The following GRIP1 variants were observed in gnomAD, a reference collection of about 807,000 sequenced individuals.
The protein encoded by GRIP1 is glutamate receptor interacting protein 1, also known as glutamate receptor-interacting protein 1.
GRIP1 carries 45 observed loss-of-function variants against 129.9 expected under a neutral mutation model. The ratio of observed to expected loss-of-function variants is 0.35; its 90% confidence interval spans 0.27 to 0.44. GRIP1 has a LOEUF of 0.44. Ranked by LOEUF, GRIP1 falls within the 20% of genes least tolerant of loss-of-function variation. GRIP1 has a pLI of 1.00. For missense variants in GRIP1, 1,196 were observed against 1,396.8 expected (o/e 0.86, Z 2.29); for synonymous variants, 530 against 520.8 (o/e 1.02, Z -0.24).
At chr12:66,970,224 G>T (rs1157924541) in intron 1 of GRIP1, among the ~76,000 whole-genome samples, 1 of 152,158 alleles carries the variant, frequency 6.6e-6, no homozygotes, top group East Asian at 1.9e-4. Context: ...TGGGACTACA[G>T]CCATGCACCA....
intron 2 of GRIP1, among the ~76,000 whole-genome samples, chr12:66,596,225 T>C (rs1316458455): frequency 6.6e-6 from 1 of 152,236 alleles, no homozygotes; most frequent in Admixed American, 6.5e-5. Context: ...AGAACTTACA[T>C]GTTTTTGTGT....
chr12:66,458,895 A>G (rs1168118944), intron 9 of GRIP1, among the ~76,000 whole-genome samples: 1 of 152,174 alleles, frequency 6.6e-6, no homozygotes, highest in African/African-American at 2.4e-5. Flanking sequence ...CTCATCATTC[A>G]GGTCTCACCC....
intron 2 of GRIP1, among the ~76,000 whole-genome samples, chr12:66,586,539 AGAG>A (rs1029508106): frequency 1.3e-5 from 2 of 152,040 alleles, no homozygotes; most frequent in African/African-American, 2.4e-5. Context: ...TGACAAACTG[AGAG>A]CTTCAAAATT....
intron 15 of GRIP1, among the ~76,000 whole-genome samples, chr12:66,420,186 G>C (rs1267295982): frequency 1.3e-5 from 2 of 152,008 alleles, no homozygotes; most frequent in East Asian, 3.8e-4. Flanking sequence ...TAAAAAGAAA[G>C]TTAATGGTCT....
chr12:66,686,819 G>T (rs1353336664), intron 1 of GRIP1, among the ~76,000 whole-genome samples: 1 of 152,220 alleles, frequency 6.6e-6, no homozygotes, highest in African/African-American at 2.4e-5. Context: ...CACTTTGGGA[G>T]GCTGAGGCAG....
At chr12:67,006,264 A>T (rs2042624706) in intron 1 of GRIP1, among the ~76,000 whole-genome samples, 1 of 152,168 alleles carries the variant, frequency 6.6e-6, no homozygotes, top group Admixed American at 6.6e-5. Context: ...CTAGGCACCA[A>T]CATTAAACAA....
At chr12:66,487,495 G>A (rs2059987400) in intron 7 of GRIP1, among the ~76,000 whole-genome samples, 1 of 152,034 alleles carries the variant, frequency 6.6e-6, no homozygotes, top group Non-Finnish European at 1.5e-5. Context: ...CACTAAATAT[G>A]GAAAGGAGAA....
At chr12:66,980,188 C>T (rs118104974) in intron 1 of GRIP1, among the ~76,000 whole-genome samples, 85 of 152,280 alleles carry the variant, frequency 5.6e-4, no homozygotes, top group Admixed American at 4.0e-3. Context: ...CATCTCTCTG[C>T]CTCTGAAAAA....
intron 1 of GRIP1, among the ~76,000 whole-genome samples, chr12:66,828,034 T>C (rs2039449717): frequency 6.6e-6 from 1 of 152,196 alleles, no homozygotes; most frequent in African/African-American, 2.4e-5. Flanking sequence ...TGTCAAATCC[T>C]GGACTTGCCC....
intron 1 of GRIP1, among the ~76,000 whole-genome samples, chr12:66,980,957 C>T (rs1489791224): frequency 6.6e-6 from 1 of 152,142 alleles, no homozygotes; most frequent in Non-Finnish European, 1.5e-5. Flanking sequence ...ACTAAAGGAC[C>T]CATGTTTAAC....
chr12:67,039,655 T>C (rs558198620), intron 1 of GRIP1, among the ~76,000 whole-genome samples: 24 of 152,288 alleles, frequency 1.6e-4, no homozygotes, highest in African/African-American at 5.3e-4. Context: ...GACTGCTTCA[T>C]AAAGACACCT....
chr12:66,544,798 C>T (rs1199764632), intron 2 of GRIP1, among the ~76,000 whole-genome samples: 1 of 152,122 alleles, frequency 6.6e-6, no homozygotes, highest in Non-Finnish European at 1.5e-5. Flanking sequence ...GCTTTTGGCT[C>T]ACCTGAAGTC....
intron 1 of GRIP1, among the ~76,000 whole-genome samples, chr12:66,619,214 G>A (rs1160892350): frequency 6.6e-6 from 1 of 152,096 alleles, no homozygotes; most frequent in Non-Finnish European, 1.5e-5. Flanking sequence ...TCCATAGGGT[G>A]AGCAGCAAGC....
At chr12:66,444,848 C>T in intron 12 of GRIP1, 119 bp from the exon 13 acceptor site, 1 of 1,017,420 alleles carries the variant, frequency 9.8e-7, no homozygotes, top group Non-Finnish European at 1.5e-6. Flanking sequence ...CTTGCTTATT[C>T]AATGCTGTGG....
intron 1 of GRIP1, among the ~76,000 whole-genome samples, chr12:66,669,540 G>T (rs2136228408): frequency 6.6e-6 from 1 of 152,278 alleles, no homozygotes; most frequent in African/African-American, 2.4e-5. Flanking sequence ...ATAGTCTGAT[G>T]GTTGTATACA....
intron 9 of GRIP1, among the ~76,000 whole-genome samples, chr12:66,460,103 T>C (rs11176197): frequency 0.042 from 6,344 of 152,250 alleles, 332 homozygotes; most frequent in East Asian, 0.12. Flanking sequence ...TATAGAAAAG[T>C]TGGGTAACTT....
chr12:67,062,121 G>A (rs1170563398), intron 1 of GRIP1, among the ~76,000 whole-genome samples: 1 of 152,104 alleles, frequency 6.6e-6, no homozygotes, highest in Non-Finnish European at 1.5e-5. Context: ...CTGCCAAGAT[G>A]AGCTTTCTAA....
chr12:66,619,763 A>T (rs2139956897), intron 1 of GRIP1, among the ~76,000 whole-genome samples: 1 of 152,304 alleles, frequency 6.6e-6, no homozygotes, highest in Middle Eastern at 3.4e-3. Flanking sequence ...AGATGACTAG[A>T]TATTATCCAT....
rs757978398 is a variant in GRIP1 at position 66,392,369 on chromosome 12, A to G, written c.2403T>C (p.Ser801=). The G allele has an allele frequency of 7.1e-5, 115 of 1,613,398 alleles. No individual in the cohort carries two copies. Among genetic ancestry groups the G allele is most frequent in the Non-Finnish European group, 9.1e-5 (107 of 1,179,494 alleles). The change falls in exon 19 of 25, where the codon AGT becomes AGC. Residue 801 remains serine, a synonymous_variant. Transcript: ENST00000359742. ...CCCATGAATCCACAGCACTGTCCAC[A>G]CTGGGCACCGTGGAGGGGTACATGT... ...LSDMYPSTVP[S]VDSAVDSWDG...
Sources: gnomAD v4.1 joint callset for allele counts (sites outside exome capture counted in the v4.1 genomes callset) on GRCh38, gnomAD v4.1.1 for gene constraint, MANE v1.5 for transcripts, NCBI Gene and HGNC (gene_info 2026-07-23, HGNC 2026-07-21) for gene names.